The following ADD3 variants were observed in gnomAD, a reference collection of about 807,000 sequenced individuals.
ADD3 encodes gamma-adducin.
Under a neutral mutation model 80.2 loss-of-function variants are expected in ADD3, and 25 were observed. That is an observed-to-expected ratio of 0.31 (90% confidence interval 0.23 to 0.44). The LOEUF (loss-of-function observed/expected upper bound fraction) is 0.44, where lower values mean the gene tolerates loss of function less well. Among genes scored for constraint, ADD3 ranks in the 20% least tolerant of loss-of-function variants. The pLI is 1.00. For synonymous variants in ADD3, 284 were observed against 289.6 expected (o/e 0.98, Z 0.20); for missense variants, 829 against 847.5 (o/e 0.98, Z 0.27).
At chr10:110,131,933 A>G (rs559700081) in intron 13 of ADD3, among the ~76,000 whole-genome samples, 9 of 152,330 alleles carry the variant, frequency 5.9e-5, no homozygotes, top group Non-Finnish European at 5.9e-5. Context: ...TCTGTGAAGC[A>G]TTCTGCCTCA....
intron 1 of ADD3, among the ~76,000 whole-genome samples, chr10:110,052,115 G>A (rs899701652): frequency 1.3e-5 from 2 of 152,038 alleles, no homozygotes; most frequent in Non-Finnish European, 2.9e-5. Context: ...GGCTTTTTCT[G>A]TACCACTGAA....
chr10:110,044,188 C>G lies in ADD3; in HGVS notation c.-30+35889C>G, dbSNP rs181628077. 8.5e-3 allele frequency among the ~76,000 whole-genome samples: 1,286 copies of G among 152,148 alleles called. 10 individuals carry two copies. Among genetic ancestry groups the G allele is most frequent in the Middle Eastern group, 0.034 (10 of 294 alleles). ...CTGAACTCCGTCCTGGGTGACAGAG[C>G]GAGACTCTGTCTCAAAAAACAGAAA... On this transcript the variant is annotated intron_variant, in intron 1 of 14. Coordinates refer to ENST00000356080, the MANE Select transcript of ADD3 (RefSeq NM_016824.5).
intron 1 of ADD3, among the ~76,000 whole-genome samples, chr10:110,083,108 A>G (rs184982902): frequency 5.2e-5 from 8 of 152,392 alleles, no homozygotes; most frequent in Admixed American, 2.6e-4. Flanking sequence ...CTTGGAGCCA[A>G]CAGACATACT....
intron 1 of ADD3, among the ~76,000 whole-genome samples, chr10:110,019,548 T>C (rs1012103791): frequency 6.6e-6 from 1 of 151,826 alleles, no homozygotes; most frequent in African/African-American, 2.4e-5. Context: ...TGGAGACGGG[T>C]TTTCACCGTG....
intron 1 of ADD3, among the ~76,000 whole-genome samples, chr10:110,094,957 G>C (rs1310678514): frequency 6.6e-6 from 1 of 152,170 alleles, no homozygotes; most frequent in Non-Finnish European, 1.5e-5. Context: ...TCTAAAGAAA[G>C]CTATTCAAAC....
intron 13 of ADD3, among the ~76,000 whole-genome samples, chr10:110,131,651 TTA>T (rs1175029813): frequency 2.6e-5 from 4 of 152,236 alleles, no homozygotes; most frequent in African/African-American, 7.2e-5. Context: ...ATTAATGTAA[TTA>T]TACTAAATTT....
intron 1 of ADD3, among the ~76,000 whole-genome samples, chr10:110,057,270 C>T (rs1308797707): frequency 6.6e-6 from 1 of 152,172 alleles, no homozygotes; most frequent in Admixed American, 6.5e-5. Flanking sequence ...AAATAGTTGC[C>T]AGTAATTTTT....
intron 1 of ADD3, among the ~76,000 whole-genome samples, chr10:110,020,876 AAGT>A (rs1853593633): frequency 1.3e-5 from 2 of 152,186 alleles, no homozygotes; most frequent in East Asian, 3.8e-4. Context: ...GCCTAGGCAA[AAGT>A]CTAAGAAGGA....
At position 110,135,565 on chromosome 10, in the gene ADD3, A is replaced by G. The variant is rs933632356; in HGVS notation, c.*1947A>G. Reference sequence around the variant, plus strand: ...CACAAATAAACAGTATTTTAAATATACGGACTTGTATCATGAGGTTTCCAT... The same window carrying G: ...CACAAATAAACAGTATTTTAAATATGCGGACTTGTATCATGAGGTTTCCAT... On this transcript the variant is annotated 3_prime_UTR_variant, in exon 15 of 15. Coordinates refer to ENST00000356080, the MANE Select transcript of ADD3 (RefSeq NM_016824.5). 1 of 152,660 alleles carries G rather than the reference A, an allele frequency of 6.6e-6. No individual in the cohort carries two copies. Among genetic ancestry groups the G allele is most frequent in the Admixed American group, 6.5e-5 (1 of 15,280 alleles). The allele number at this position is 152,660 out of a possible 1,614,324, so 9.5% of individuals were successfully genotyped here.
At chr10:110,106,240 A>G (rs547933778) in intron 2 of ADD3, among the ~76,000 whole-genome samples, 27 of 151,462 alleles carry the variant, frequency 1.8e-4, no homozygotes, top group African/African-American at 6.3e-4. Flanking sequence ...GATGTCTCCT[A>G]TATTTATCAG....
chr10:110,121,493 A>G (rs1322286726), intron 8 of ADD3, among the ~76,000 whole-genome samples: 1 of 152,226 alleles, frequency 6.6e-6, no homozygotes, highest in Admixed American at 6.5e-5. Context: ...TCAATAAATA[A>G]ATAAATAAAT....
At position 110,000,507 on chromosome 10, in the gene ADD3, C is replaced by A. The variant is rs1318706013; in HGVS notation, n.79+4061C>A. On this transcript the variant is annotated intron_variant and non_coding_transcript_variant, in intron 1 of 5. Transcript: ENST00000468251. ...TTTTGAGCACCTACTATGTGCCATG[C>A]TCTGTTATGAGCAACTGGTAAAGAC... 3.3e-5 allele frequency among the ~76,000 whole-genome samples: 5 copies of A among 152,180 alleles called. No individual in the cohort carries two copies. The East Asian group carries it at 9.6e-4, about 29-fold the overall frequency.
intron 1 of ADD3, among the ~76,000 whole-genome samples, chr10:110,084,333 G>GA (rs1846433211): frequency 6.6e-6 from 1 of 152,150 alleles, no homozygotes; most frequent in Non-Finnish European, 1.5e-5. Context: ...TTAAAATCAA[G>GA]AAATTGTAAC....
At chr10:110,101,991 A>T (rs1848865601) in intron 2 of ADD3, among the ~76,000 whole-genome samples, 1 of 152,212 alleles carries the variant, frequency 6.6e-6, no homozygotes, top group Admixed American at 6.5e-5. Context: ...GAATTTAATC[A>T]TAGAGGTAAG....
chr10:110,083,012 G>A (rs1846252484), intron 1 of ADD3, among the ~76,000 whole-genome samples: 1 of 152,160 alleles, frequency 6.6e-6, no homozygotes, highest in Admixed American at 6.5e-5. Flanking sequence ...TGAGTCAAGA[G>A]CCTTACTCAC....
upstream of ADD3, among the ~76,000 whole-genome samples, chr10:110,002,121 G>T (rs1300539184): frequency 6.6e-6 from 1 of 151,998 alleles, no homozygotes; most frequent in African/African-American, 2.4e-5. Context: ...GTGAAACCTC[G>T]TTTCTACTAA....
chr10:110,015,672 C>A (rs924024467), intron 1 of ADD3, among the ~76,000 whole-genome samples: 2 of 142,992 alleles, frequency 1.4e-5, no homozygotes, highest in Non-Finnish European at 3.0e-5. Context: ...CTGCGCCTGG[C>A]AGAATGTTTG....
At chr10:110,093,827 G>A (rs1284638126) in intron 1 of ADD3, among the ~76,000 whole-genome samples, 1 of 152,014 alleles carries the variant, frequency 6.6e-6, no homozygotes, top group Non-Finnish European at 1.5e-5. Context: ...TGGTGTGTGG[G>A]TGTGTGTGTG....
rs1212727619 is a variant in ADD3 at position 110,130,442 on chromosome 10, A to T, written c.1688A>T (p.Glu563Val). 6.2e-7 allele frequency: 1 copy of T among 1,614,142 alleles called. No individual in the cohort carries two copies. Among genetic ancestry groups the T allele is most frequent in the Admixed American group, 1.7e-5 (1 of 60,028 alleles). ...PFSHLTEGEL[E>V]EYKRTIERKQ... ...AGTCATCTCACAGAAGGAGAACTTGAAGAGTATAAGAGGACAATCGAACGT... is the reference window on the plus strand; with the variant it reads ...AGTCATCTCACAGAAGGAGAACTTGTAGAGTATAAGAGGACAATCGAACGT... Residue 563 changes from glutamate to valine, a missense_variant, in exon 13 of 15, where the codon GAA becomes GTA. Physicochemically the swap from Glu to Val is moderately radical, Grantham distance 121 (BLOSUM62 -2). Coordinates refer to ENST00000356080, the MANE Select transcript of ADD3 (RefSeq NM_016824.5).
Sources: allele counts gnomAD v4.1 joint callset (sites outside exome capture counted in the v4.1 genomes callset), GRCh38; gene constraint gnomAD v4.1.1; transcripts MANE v1.5; gene names NCBI Gene and HGNC (gene_info 2026-07-23, HGNC 2026-07-21).